LRFN5: variants seen among roughly 807,000 people sequenced by gnomAD.
LRFN5 encodes the protein leucine-rich repeat and fibronectin type-III domain-containing protein 5.
LRFN5 carries 24 observed loss-of-function variants against 45.6 expected under a neutral mutation model. The ratio of observed to expected loss-of-function variants is 0.53; its 90% CI spans 0.38 to 0.74. The LOEUF is 0.74. Among genes scored for constraint, LRFN5 ranks in the 30% least tolerant of loss-of-function variants. The pLI is 0.00. For missense variants in LRFN5, 776 were observed against 861.5 expected (o/e 0.90, Z 1.24); for synonymous variants, 340 against 313.8 (o/e 1.08, Z -0.88).
chr14:41,620,903 A>G (rs966465808), intron 1 of LRFN5, among the ~76,000 whole-genome samples: 2 of 152,060 alleles, frequency 1.3e-5, no homozygotes, highest in Non-Finnish European at 2.9e-5. Context: ...ATTTAAGTGA[A>G]ATATATCACT....
At chr14:41,772,548 G>GC (rs139581055) in intron 2 of LRFN5, among the ~76,000 whole-genome samples, 3,875 of 152,254 alleles carry the variant, frequency 0.025, 163 homozygotes, top group African/African-American at 0.088. Flanking sequence ...ATCTTATGCA[G>GC]CATTCACTTT....
chr14:41,608,829 G>A (rs897632699), intron 1 of LRFN5, among the ~76,000 whole-genome samples: 1 of 152,206 alleles, frequency 6.6e-6, no homozygotes, highest in Non-Finnish European at 1.5e-5. Context: ...AGCTAGGCGT[G>A]TGGAACCTGT....
intron 2 of LRFN5, among the ~76,000 whole-genome samples, chr14:41,825,759 G>T (rs1220203861): frequency 6.6e-6 from 1 of 152,100 alleles, no homozygotes; most frequent in African/African-American, 2.4e-5. Flanking sequence ...GGGAGGGTGA[G>T]TTACCCTTTG....
At chr14:41,723,008 G>T (rs182231254) in intron 1 of LRFN5, among the ~76,000 whole-genome samples, 3 of 152,262 alleles carry the variant, frequency 2.0e-5, no homozygotes, top group African/African-American at 7.2e-5. Context: ...AACCTCCTTG[G>T]CCCCAAGCTC....
chr14:41,757,969 G>A (rs1297403650), intron 1 of LRFN5, among the ~76,000 whole-genome samples: 4 of 152,024 alleles, frequency 2.6e-5, no homozygotes, highest in African/African-American at 9.7e-5. Context: ...TTTTTCCATG[G>A]TGGCTCATAC....
At chr14:41,741,385 C>T (rs1884684251) in intron 1 of LRFN5, among the ~76,000 whole-genome samples, 1 of 151,652 alleles carries the variant, frequency 6.6e-6, no homozygotes, top group Admixed American at 6.7e-5. Flanking sequence ...ATAGAAAGCA[C>T]AGAAGCAAAC....
chr14:41,830,113 G>T (rs949980978), intron 2 of LRFN5, among the ~76,000 whole-genome samples: 3 of 150,932 alleles, frequency 2.0e-5, no homozygotes, highest in African/African-American at 4.9e-5. Flanking sequence ...ATTTTAACTT[G>T]TATTATAAAT....
intron 2 of LRFN5, among the ~76,000 whole-genome samples, chr14:41,773,420 T>C (rs4904790): frequency 0.56 from 85,532 of 151,982 alleles, 24,685 homozygotes; most frequent in East Asian, 0.94. Context: ...CTTTAGTTGT[T>C]TGATTAATAT....
At chr14:41,608,737 A>G (rs546140096) in intron 1 of LRFN5, among the ~76,000 whole-genome samples, 175 bp downstream of exon 1, 11 of 152,354 alleles carry the variant, frequency 7.2e-5, no homozygotes, top group Non-Finnish European at 1.5e-4. Context: ...TAGGTGAAAT[A>G]TAAATCTATA....
At chr14:41,770,858 C>G (rs990358350) in intron 2 of LRFN5, among the ~76,000 whole-genome samples, 14 of 152,078 alleles carry the variant, frequency 9.2e-5, no homozygotes, top group Admixed American at 2.0e-4. Flanking sequence ...GCCTCCAATT[C>G]CATACTTTCC....
At chr14:41,829,485 G>A (rs1888405957) in intron 2 of LRFN5, among the ~76,000 whole-genome samples, 1 of 151,966 alleles carries the variant, frequency 6.6e-6, no homozygotes, top group Non-Finnish European at 1.5e-5. Flanking sequence ...CTGTCTGGTG[G>A]TCTGTTTATC....
chr14:41,652,121 TGACTGATGTA>T (rs1290962320), intron 1 of LRFN5, among the ~76,000 whole-genome samples: 2 of 152,112 alleles, frequency 1.3e-5, no homozygotes, highest in Non-Finnish European at 1.5e-5. Context: ...AAGGAATGAA[TGACTGATGTA>T]TAGATAAATG....
At chr14:41,633,660 A>G (rs1007800004) in intron 1 of LRFN5, among the ~76,000 whole-genome samples, 4 of 152,188 alleles carry the variant, frequency 2.6e-5, no homozygotes, top group African/African-American at 9.6e-5. Context: ...GTCACAAAGT[A>G]AATTAAGATA....
intron 1 of LRFN5, among the ~76,000 whole-genome samples, chr14:41,632,364 G>T (rs1027802126): frequency 3.9e-5 from 6 of 152,166 alleles, no homozygotes; most frequent in African/African-American, 1.4e-4. Context: ...AGCACTTTGG[G>T]AGGCTGAGGC....
At chr14:41,868,808 G>T (rs2899931) in intron 2 of LRFN5, among the ~76,000 whole-genome samples, 37,001 of 152,068 alleles carry the variant, frequency 0.24, 4,778 homozygotes, top group South Asian at 0.37. Flanking sequence ...AAACATACAT[G>T]TGTAGTACAA....
chr14:41,893,632 C>A, intron 4 of LRFN5: 1 of 985,244 alleles, frequency 1.0e-6, no homozygotes, highest in Non-Finnish European at 1.2e-6. Flanking sequence ...GAAGCATATA[C>A]AACAATTTCA....
chr14:41,826,746 T>A (rs1888307443), intron 2 of LRFN5, among the ~76,000 whole-genome samples: 1 of 152,160 alleles, frequency 6.6e-6, no homozygotes, highest in African/African-American at 2.4e-5. Flanking sequence ...CCTACTCACA[T>A]GCCTCTGGAC....
At chr14:41,676,225 C>G (rs1881622369) in intron 1 of LRFN5, among the ~76,000 whole-genome samples, 1 of 152,214 alleles carries the variant, frequency 6.6e-6, no homozygotes, top group East Asian at 1.9e-4. Context: ...AGCAGAAGTT[C>G]CACATTTCTG....
At chr14:41,659,103 G>T (rs1880512322) in intron 1 of LRFN5, among the ~76,000 whole-genome samples, 1 of 151,868 alleles carries the variant, frequency 6.6e-6, no homozygotes, top group Non-Finnish European at 1.5e-5. Flanking sequence ...TTGAGAACTT[G>T]CAGGTTTGTT....
Sources: allele counts gnomAD v4.1 joint callset (sites outside exome capture counted in the v4.1 genomes callset), GRCh38; gene constraint gnomAD v4.1.1; transcripts MANE v1.5; gene names NCBI Gene and HGNC (gene_info 2026-07-23, HGNC 2026-07-21).